The following LRP6 variants were observed in gnomAD, a reference collection of about 807,000 sequenced individuals.
LRP6 encodes the protein LDL receptor related protein 6, also known as low-density lipoprotein receptor-related protein 6.
A neutral mutation model predicts 184.1 loss-of-function variants in LRP6; 43 were observed. The observed-to-expected ratio is 0.23, with a 90% confidence interval of 0.18 to 0.30. The LOEUF is 0.30. Among genes scored for constraint, LRP6 ranks in the 10% least tolerant of loss-of-function variants. LRP6 has a pLI of 1.00. For missense variants in LRP6, 1,571 were observed against 2,005.3 expected (o/e 0.78, Z 4.14); for synonymous variants, 719 against 684.9 (o/e 1.05, Z -0.78).
chr12:12,203,075 A>G, intron 3 of LRP6, 128 bp downstream of exon 3: 2 of 645,008 alleles, frequency 3.1e-6, no homozygotes, highest in African/African-American at 1.8e-5. Flanking sequence ...GCTAACTAAA[A>G]GACTATTCTT....
intron 7 of LRP6, among the ~76,000 whole-genome samples, chr12:12,175,824 C>T (rs1370842854): frequency 2.0e-5 from 3 of 151,538 alleles, no homozygotes; most frequent in Middle Eastern, 6.8e-3. Context: ...ATTAGAAACA[C>T]ACTGATTTTG....
rs557027866 is a variant in LRP6, at chr12:12,258,965, A to G, written c.55+7716T>C. 2.5e-4 allele frequency among the ~76,000 whole-genome samples: 34 copies of G among 135,348 alleles called. 1 individual carries two copies. The highest frequency in any genetic ancestry group is 7.0e-4 in the South Asian group (3 of 4,258). The allele number at this position is 135,348 out of a possible 152,430, so 88.8% of individuals were successfully genotyped here. A position where few individuals can be genotyped will look rare whatever the true frequency, so the allele number is the denominator to read the frequency against. On this transcript the variant is annotated intron_variant, in intron 1 of 22. Transcript: ENST00000261349. Reference sequence around the variant, plus strand: ...ATATTTGGGTGACTATTTTCTTGGGAAAAAAAAAATGACAGCTGTGTGCAG... The same window carrying G: ...ATATTTGGGTGACTATTTTCTTGGGGAAAAAAAAATGACAGCTGTGTGCAG...
intron 2 of LRP6, among the ~76,000 whole-genome samples, chr12:12,229,912 T>A (rs1864737045): frequency 6.6e-6 from 1 of 152,240 alleles, no homozygotes; most frequent in South Asian, 2.1e-4. Flanking sequence ...ATGTACTTGA[T>A]AATGATTAAA....
Position 12,149,068 on chromosome 12 carries a change from T to C in LRP6, c.3080A>G (p.Tyr1027Cys), listed in dbSNP as rs1390971832. ...YDLSIDIYSR[Y>C]IYWTCEATNV... ...GGTAGCCTCACAAGTCCAGTAGATG[T>C]AGCGGCTGTAAATATCAATGCTGAG... The change falls in exon 14 of 23, where the codon TAC (tyrosine) becomes TGC (cysteine). Residue 1027 changes from tyrosine (Y) to cysteine (C), a missense_variant. This residue lies in a region of LRP6 where 763 missense variants were observed against 859.5 expected (regional missense o/e 0.89). Transcript: ENST00000261349. The C allele has an allele frequency of 1.2e-6, 2 of 1,614,024 alleles. No individual in the cohort carries two copies. The highest frequency in any genetic ancestry group is 1.7e-5 in the Admixed American group (1 of 60,016).
intron 3 of LRP6, among the ~76,000 whole-genome samples, chr12:12,197,182 C>T (rs1198875244): frequency 6.6e-6 from 1 of 152,226 alleles, no homozygotes; most frequent in Non-Finnish European, 1.5e-5. Context: ...TTCTACCGAT[C>T]TCTGGCCAGT....
chr12:12,149,712 C>A (rs747281694), intron 13 of LRP6, among the ~76,000 whole-genome samples: 3 of 152,118 alleles, frequency 2.0e-5, no homozygotes, highest in Non-Finnish European at 2.9e-5. Context: ...CTTGAGAAAC[C>A]CTGCTCTAGA....
chr12:12,260,499 A>T (rs1389604521), intron 1 of LRP6, among the ~76,000 whole-genome samples: 1 of 152,240 alleles, frequency 6.6e-6, no homozygotes, highest in Non-Finnish European at 1.5e-5. Context: ...ATCAAAAAAA[A>T]TTCCAAAACC....
chr12:12,165,071 T>C lies in LRP6; in HGVS notation c.1762+8A>G, dbSNP rs747219509. The C allele has an allele frequency of 5.6e-6, 9 of 1,602,970 alleles. No individual in the cohort carries two copies. The African/African-American group carries it at 1.1e-4, about 19-fold the overall frequency. ...TCCCATTTCTAAGAAAGCTTTGGAG[T>C]TACTCACCAATCACTCGATGAACAT... On this transcript the variant is annotated splice_region_variant and intron_variant, in intron 8 of 22. Coordinates refer to ENST00000261349, the MANE Select transcript of LRP6 (RefSeq NM_002336.3).
intron 3 of LRP6, among the ~76,000 whole-genome samples, chr12:12,201,859 G>A (rs1393724884): frequency 6.6e-6 from 1 of 151,872 alleles, no homozygotes; most frequent in Non-Finnish European, 1.5e-5. Flanking sequence ...TTTTTTGAAA[G>A]AAGGCAAAAA....
intron 5 of LRP6, 122 bp downstream of exon 5, chr12:12,183,858 C>T: frequency 1.2e-6 from 1 of 820,416 alleles, no homozygotes; most frequent in Non-Finnish European, 2.1e-6. Context: ...TGTGTGAAGA[C>T]TGTGAAATTA....
chr12:12,155,415 T>A (rs567952560), intron 12 of LRP6: 28 of 866,354 alleles, frequency 3.2e-5, no homozygotes, highest in Middle Eastern at 4.4e-4. Flanking sequence ...TCAAAAGGAA[T>A]GCCCCACAAG....
chr12:12,247,998 A>C (rs933194310), intron 1 of LRP6, among the ~76,000 whole-genome samples: 4 of 152,114 alleles, frequency 2.6e-5, no homozygotes, highest in Admixed American at 1.3e-4. Context: ...TTATCCTCAG[A>C]TCATCTCATA....
chr12:12,164,414 T>C lies in LRP6; in HGVS notation c.1911A>G (p.Ser637=), dbSNP rs1190614940. The C allele has an allele frequency of 6.2e-7, 1 of 1,614,046 alleles. No homozygotes were observed. The highest frequency in any genetic ancestry group is 1.1e-5 in the South Asian group (1 of 91,094). The change falls in exon 9 of 23, where the codon TCA becomes TCG. Residue 637 remains serine (S), a synonymous_variant. Transcript: ENST00000261349. The part of the protein sequence containing the change: ...CIVPEAFLLF[S]RRADIRRISL... Reference sequence around the variant, plus strand: ...AAATTCGTCTGATATCTGCTCTCCGTGAAAACAAAAGGAAAGCCTCTGGGA... The same window carrying C: ...AAATTCGTCTGATATCTGCTCTCCGCGAAAACAAAAGGAAAGCCTCTGGGA...
At chr12:12,266,559 AGGCCTCT>A in intron 1 of LRP6, 115 bp downstream of exon 1, 1 of 472,378 alleles carries the variant, frequency 2.1e-6, no homozygotes. Context: ...CCCCACGACC[AGGCCTCT>A]CCCCGCTCCT....
At chr12:12,200,903 T>C (rs965634973) in intron 3 of LRP6, among the ~76,000 whole-genome samples, 1 of 152,208 alleles carries the variant, frequency 6.6e-6, no homozygotes, top group Admixed American at 6.5e-5. Flanking sequence ...ATCTGTTCTG[T>C]GGTCATGTTT....
chr12:12,220,438 T>C (rs1864457054), intron 2 of LRP6, among the ~76,000 whole-genome samples: 1 of 152,174 alleles, frequency 6.6e-6, no homozygotes, highest in African/African-American at 2.4e-5. Flanking sequence ...AGCTCTGCAG[T>C]ATAGTACGTA....
intron 2 of LRP6, among the ~76,000 whole-genome samples, chr12:12,237,276 T>C (rs1011139256): frequency 2.0e-5 from 3 of 152,056 alleles, no homozygotes; most frequent in Admixed American, 6.6e-5. Flanking sequence ...TTTCACAATA[T>C]CACACTAATA....
At chr12:12,176,752 T>A (rs12823243) in intron 7 of LRP6, among the ~76,000 whole-genome samples, 61,138 of 151,996 alleles carry the variant, frequency 0.4, 14,936 homozygotes, top group East Asian at 0.75. Flanking sequence ...AGGTTTACTA[T>A]GTCTTACCTT....
intron 2 of LRP6, among the ~76,000 whole-genome samples, chr12:12,205,474 T>A (rs536672639): frequency 6.6e-6 from 1 of 151,796 alleles, no homozygotes; most frequent in Non-Finnish European, 1.5e-5. Context: ...CTGAAATGAA[T>A]CTACTTAATG....
Sources: allele counts gnomAD v4.1 joint callset (sites outside exome capture counted in the v4.1 genomes callset), GRCh38; gene constraint gnomAD v4.1.1; regional missense constraint gnomAD v4.1.1; transcripts MANE v1.5; gene names NCBI Gene and HGNC (gene_info 2026-07-23, HGNC 2026-07-21).